Variants in SH3RF3 observed in about 807,000 individuals in gnomAD.
SH3RF3 encodes the protein SH3 domain containing ring finger 3.
Under a neutral mutation model 66.3 loss-of-function variants are expected in SH3RF3, and 29 were observed. The ratio of observed to expected loss-of-function variants is 0.44; its 90% CI spans 0.33 to 0.60. The LOEUF (loss-of-function observed/expected upper bound fraction) is 0.60. Among genes scored for constraint, SH3RF3 ranks in the 20% least tolerant of loss-of-function variants. SH3RF3 has a pLI of 0.04. For synonymous variants in SH3RF3, 583 were observed against 532.0 expected (o/e 1.10, Z -1.32); for missense variants, 1,194 against 1,190.9 (o/e 1.00, Z -0.04).
intron 1 of SH3RF3, among the ~76,000 whole-genome samples, chr2:109,249,504 T>C (rs1293048251): frequency 3.2e-5 from 1 of 30,946 alleles, no homozygotes; most frequent in Non-Finnish European, 5.3e-5. Context: ...TTTCTTTCTT[T>C]CTTTCATTCT....
chr2:109,165,394 A>G (rs1383114107), intron 1 of SH3RF3, among the ~76,000 whole-genome samples: 1 of 152,074 alleles, frequency 6.6e-6, no homozygotes, highest in Non-Finnish European at 1.5e-5. Context: ...GTGGTTGGAG[A>G]AATGAGGATG....
In SH3RF3 at chr2:109,484,287, G is replaced by C. The variant is rs190818091; in HGVS notation, c.2149-6318G>C. Among the ~76,000 whole-genome samples, 267 of 152,080 alleles carry C rather than the reference G, an allele frequency of 1.8e-3. 2 individuals carry two copies. The highest frequency in any genetic ancestry group is 6.2e-3 in the African/African-American group (258 of 41,484). On this transcript the variant is annotated intron_variant, in intron 8 of 9. Coordinates refer to ENST00000309415, the MANE Select transcript of SH3RF3 (RefSeq NM_001099289.3). ...TCACCATGTTGGCCAGGCTGGTCTCGAACTCCTGACCTGAGGTGATCCGTC... is the reference window on the plus strand; with the variant it reads ...TCACCATGTTGGCCAGGCTGGTCTCCAACTCCTGACCTGAGGTGATCCGTC...
chr2:109,399,877 A>G (rs767843126), intron 4 of SH3RF3, among the ~76,000 whole-genome samples: 2 of 152,210 alleles, frequency 1.3e-5, no homozygotes, highest in Non-Finnish European at 2.9e-5. Context: ...GCAGATGTCC[A>G]TGGGTGAGCC....
At chr2:109,233,691 C>T (rs186889046) in intron 1 of SH3RF3, among the ~76,000 whole-genome samples, 101 of 152,364 alleles carry the variant, frequency 6.6e-4, no homozygotes, top group Non-Finnish European at 1.2e-3. Context: ...ATGCAGAGCT[C>T]TATCCTTTTG....
At chr2:109,146,884 CT>C (rs1460042636) in intron 1 of SH3RF3, among the ~76,000 whole-genome samples, 40 of 3,532 alleles carry the variant, frequency 0.011, no homozygotes, top group African/African-American at 0.019. Context: ...TCTTTTTTCC[CT>C]CCCCCCCCCC....
At chr2:109,139,660 C>T (rs1676894738) in intron 1 of SH3RF3, among the ~76,000 whole-genome samples, 2 of 152,120 alleles carry the variant, frequency 1.3e-5, no homozygotes, top group Admixed American at 6.5e-5. Flanking sequence ...AAGAGTTTTC[C>T]TGGATTTAAA....
At chr2:109,372,881 A>G (rs1320644506) in intron 3 of SH3RF3, among the ~76,000 whole-genome samples, 1 of 152,234 alleles carries the variant, frequency 6.6e-6, no homozygotes, top group Non-Finnish European at 1.5e-5. Flanking sequence ...CACAGTGTGC[A>G]GATACTTAAA....
intron 1 of SH3RF3, among the ~76,000 whole-genome samples, chr2:109,201,434 A>G (rs1678672938): frequency 6.6e-6 from 1 of 152,034 alleles, no homozygotes; most frequent in South Asian, 2.1e-4. Flanking sequence ...ACATCCAGGT[A>G]TCTCAGCCGC....
chr2:109,395,511 T>TCG (rs1676117735), intron 3 of SH3RF3, among the ~76,000 whole-genome samples: 1 of 152,100 alleles, frequency 6.6e-6, no homozygotes, highest in Non-Finnish European at 1.5e-5. Flanking sequence ...AGGCAGGAGC[T>TCG]CTTACTTCTC....
intron 7 of SH3RF3, among the ~76,000 whole-genome samples, chr2:109,438,153 T>G (rs1176302803): frequency 6.6e-6 from 1 of 152,190 alleles, no homozygotes; most frequent in Non-Finnish European, 1.5e-5. Flanking sequence ...GAGACAACAC[T>G]TAGGTCAGCA....
intron 1 of SH3RF3, among the ~76,000 whole-genome samples, chr2:109,254,604 T>A (rs1274788435): frequency 6.6e-6 from 1 of 152,200 alleles, no homozygotes; most frequent in African/African-American, 2.4e-5. Context: ...ACTATTCCCA[T>A]GACCCCGTGA....
intron 1 of SH3RF3, among the ~76,000 whole-genome samples, chr2:109,159,898 C>T (rs969533466): frequency 6.6e-6 from 1 of 152,138 alleles, no homozygotes; most frequent in Admixed American, 6.5e-5. Context: ...AAACTCATGG[C>T]TCCAACTGAT....
At chr2:109,400,573 GCGCA>G (rs1330239090) in intron 4 of SH3RF3, among the ~76,000 whole-genome samples, 5 of 144,324 alleles carry the variant, frequency 3.5e-5, no homozygotes, top group African/African-American at 1.1e-4. Flanking sequence ...ACACACCTGT[GCGCA>G]CACACACACA....
intron 8 of SH3RF3, among the ~76,000 whole-genome samples, chr2:109,488,711 C>T (rs764310580): frequency 8.8e-4 from 134 of 152,210 alleles, no homozygotes; most frequent in Non-Finnish European, 1.4e-3. Context: ...GAACTAGACT[C>T]GGGAAACACC....
chr2:109,416,924 AG>A (rs542792079), intron 4 of SH3RF3, among the ~76,000 whole-genome samples: 4 of 149,848 alleles, frequency 2.7e-5, no homozygotes, highest in East Asian at 1.9e-4. Context: ...AAAAAAAAAA[AG>A]AATTGTATGT....
intron 8 of SH3RF3, among the ~76,000 whole-genome samples, chr2:109,481,402 A>G (rs1295858282): frequency 6.6e-6 from 1 of 151,970 alleles, no homozygotes; most frequent in Admixed American, 6.6e-5. Flanking sequence ...GTTCCTGCCC[A>G]CAGGCCAGAG....
intron 1 of SH3RF3, among the ~76,000 whole-genome samples, chr2:109,249,912 C>G (rs1044986562): frequency 6.6e-6 from 1 of 151,158 alleles, no homozygotes; most frequent in Non-Finnish European, 1.5e-5. Flanking sequence ...TCTCGATCTC[C>G]TGACCTCATG....
At chr2:109,264,436 C>G (rs1680440068) in intron 1 of SH3RF3, among the ~76,000 whole-genome samples, 1 of 152,232 alleles carries the variant, frequency 6.6e-6, no homozygotes, top group Non-Finnish European at 1.5e-5. Flanking sequence ...CGATCCACCC[C>G]AAGTCTGTGT....
intron 9 of SH3RF3, among the ~76,000 whole-genome samples, chr2:109,497,860 A>G (rs1243187177): frequency 1.3e-5 from 2 of 152,258 alleles, no homozygotes; most frequent in African/African-American, 4.8e-5. Flanking sequence ...GCAAAAGCCA[A>G]AACTTGCATT....
Sources: gnomAD v4.1 joint callset for allele counts (sites outside exome capture counted in the v4.1 genomes callset) on GRCh38, gnomAD v4.1.1 for gene constraint, MANE v1.5 for transcripts, NCBI Gene and HGNC (gene_info 2026-07-23, HGNC 2026-07-21) for gene names.